ASCC3: variants seen among roughly 807,000 people sequenced by gnomAD.
ASCC3 encodes the protein ASC-1 complex subunit P200.
In ASCC3, 158 loss-of-function variants were observed where a neutral mutation model predicts 256.3. That is an observed-to-expected ratio of 0.62 (90% CI 0.54 to 0.70). The LOEUF (loss-of-function observed/expected upper bound fraction) is 0.70. Ranked by LOEUF, ASCC3 falls within the 30% of genes least tolerant of loss-of-function variation. The pLI is 0.00. For missense variants in ASCC3, 2,259 were observed against 2,626.0 expected (o/e 0.86, Z 3.05); for synonymous variants, 948 against 883.4 (o/e 1.07, Z -1.30).
rs146882785 is a variant in ASCC3, at chr6:100,618,807, T to G, written c.4785+6385A>C. Among the ~76,000 whole-genome samples, 14 of 152,324 alleles carry G rather than the reference T, an allele frequency of 9.2e-5. No homozygotes were observed. The East Asian group carries it at 2.7e-3, about 29-fold the overall frequency. ...ACTTACTTTGGATTTTAATTCTCTT[T>G]TCCTACCAAACATGGTTCTGCTAGT... On this transcript the variant is annotated intron_variant, in intron 30 of 41. Coordinates refer to ENST00000369162, the MANE Select transcript of ASCC3 (RefSeq NM_006828.4).
chr6:100,645,967 T>C (rs761791764), intron 22 of ASCC3, among the ~76,000 whole-genome samples: 6 of 152,096 alleles, frequency 3.9e-5, no homozygotes, highest in Non-Finnish European at 7.4e-5. Context: ...GGGGAAAATA[T>C]AGAATACTTT....
At chr6:100,802,802 C>A (rs1213066004) in intron 5 of ASCC3, among the ~76,000 whole-genome samples, 1 of 151,762 alleles carries the variant, frequency 6.6e-6, no homozygotes, top group African/African-American at 2.4e-5. Context: ...TAGTTCAAGA[C>A]TACCCTGGGC....
chr6:100,512,775 T>C lies in ASCC3; in HGVS notation c.6219A>G (p.Lys2073=). The part of the protein sequence containing the change: ...ADKRDDNKWI[K]LHADQEYVLQ... The stretch of plus-strand genomic sequence containing the variant: ...GCACATACTCTTGGTCAGCATGCAA[T>C]TTGATCCATTTGTTGTCATCTCGTT... Residue 2073 remains lysine (K), a synonymous_variant, in exon 40 of 42, where the codon AAA becomes AAG. Coordinates refer to ENST00000369162, the MANE Select transcript of ASCC3 (RefSeq NM_006828.4). 6.2e-7 allele frequency: 1 copy of C among 1,614,182 alleles called. No homozygotes were observed. Among genetic ancestry groups the C allele is most frequent in the Non-Finnish European group, 8.5e-7 (1 of 1,180,018 alleles).
intron 36 of ASCC3, among the ~76,000 whole-genome samples, chr6:100,572,792 AT>A: frequency 6.6e-6 from 1 of 152,116 alleles, no homozygotes; most frequent in Non-Finnish European, 1.5e-5. Context: ...TGCTGAAATA[AT>A]TATTTTGTTA....
At chr6:100,860,391 G>A (rs1282157851) in intron 3 of ASCC3, among the ~76,000 whole-genome samples, 1 of 151,862 alleles carries the variant, frequency 6.6e-6, no homozygotes, top group African/African-American at 2.4e-5. Flanking sequence ...GAATCAAATT[G>A]TAAAAAGGTA....
intron 37 of ASCC3, among the ~76,000 whole-genome samples, chr6:100,521,179 C>T (rs1774286002): frequency 1.3e-5 from 2 of 151,940 alleles, no homozygotes; most frequent in African/African-American, 4.8e-5. Flanking sequence ...TAAAGTAATC[C>T]CCCCTTATCT....
At chr6:100,719,097 A>G (rs1779207758) in intron 11 of ASCC3, among the ~76,000 whole-genome samples, 2 of 152,094 alleles carry the variant, frequency 1.3e-5, no homozygotes, top group South Asian at 4.1e-4. Flanking sequence ...TGTAGGCACT[A>G]GGGATGCAGT....
intron 8 of ASCC3, among the ~76,000 whole-genome samples, chr6:100,789,859 CA>C (rs1334066819): frequency 3.3e-5 from 5 of 151,910 alleles, no homozygotes; most frequent in African/African-American, 1.2e-4. Context: ...TAAAATTTAC[CA>C]AAATTATATG....
intron 13 of ASCC3, among the ~76,000 whole-genome samples, chr6:100,681,816 T>C (rs1341631542): frequency 1.3e-5 from 2 of 151,874 alleles, no homozygotes; most frequent in Non-Finnish European, 2.9e-5. Context: ...ACTGGGACAT[T>C]CTGTTTTCCT....
chr6:100,872,163 G>A (rs1286916916), intron 1 of ASCC3, among the ~76,000 whole-genome samples: 1 of 152,200 alleles, frequency 6.6e-6, no homozygotes, highest in Non-Finnish European at 1.5e-5. Context: ...GAAACATGAT[G>A]TATTAATACT....
intron 37 of ASCC3, among the ~76,000 whole-genome samples, chr6:100,527,860 A>C (rs1774662650): frequency 6.7e-6 from 1 of 149,926 alleles, no homozygotes; most frequent in African/African-American, 2.5e-5. Flanking sequence ...TTTTTTTAAG[A>C]TGGCATCTCG....
chr6:100,778,612 C>T (rs987945322), intron 8 of ASCC3, among the ~76,000 whole-genome samples: 1 of 151,942 alleles, frequency 6.6e-6, no homozygotes, highest in African/African-American at 2.4e-5. Flanking sequence ...TTATAAGTAA[C>T]TAGTCACAAG....
At chr6:100,864,305 A>C in intron 2 of ASCC3, 91 bp from the exon 3 acceptor site, 1 of 1,127,712 alleles carries the variant, frequency 8.9e-7, no homozygotes, top group East Asian at 2.4e-5. Context: ...ACATTATACA[A>C]CTTGGTACTA....
chr6:100,641,267 T>C (rs1459164603), intron 24 of ASCC3, among the ~76,000 whole-genome samples: 1 of 152,222 alleles, frequency 6.6e-6, no homozygotes, highest in African/African-American at 2.4e-5. Flanking sequence ...TGTATGATGT[T>C]GAAGATTACC....
intron 8 of ASCC3, among the ~76,000 whole-genome samples, chr6:100,776,459 G>T (rs1782193190): frequency 6.6e-6 from 1 of 151,942 alleles, no homozygotes; most frequent in Non-Finnish European, 1.5e-5. Context: ...ACATATTTGG[G>T]ACTCACCAGA....
At chr6:100,676,466 T>C (rs1777011636) in intron 14 of ASCC3, among the ~76,000 whole-genome samples, 1 of 152,200 alleles carries the variant, frequency 6.6e-6, no homozygotes. Context: ...TTGTACATCC[T>C]GAGATATTCC....
intron 8 of ASCC3, among the ~76,000 whole-genome samples, chr6:100,788,775 T>G (rs866229678): frequency 3.2e-4 from 49 of 151,982 alleles, no homozygotes; most frequent in African/African-American, 1.1e-3. Flanking sequence ...ACACAAGGAA[T>G]TTTATGATAC....
At chr6:100,613,140 T>A (rs1254485992) in intron 30 of ASCC3, among the ~76,000 whole-genome samples, 2 of 151,442 alleles carry the variant, frequency 1.3e-5, no homozygotes, top group Non-Finnish European at 2.9e-5. Context: ...ACAAGCAGAA[T>A]CTATTACCTG....
intron 5 of ASCC3, among the ~76,000 whole-genome samples, chr6:100,801,282 T>C (rs987429884): frequency 6.6e-6 from 1 of 152,118 alleles, no homozygotes; most frequent in Non-Finnish European, 1.5e-5. Flanking sequence ...TAGTTGAAAG[T>C]AATCCAAGTC....
Sources: allele counts gnomAD v4.1 joint callset (sites outside exome capture counted in the v4.1 genomes callset), GRCh38; gene constraint gnomAD v4.1.1; transcripts MANE v1.5; gene names NCBI Gene and HGNC (gene_info 2026-07-23, HGNC 2026-07-21).